The following CR1 variants were observed in gnomAD, a reference collection of about 807,000 sequenced individuals.
The protein encoded by CR1 is complement receptor type 1.
A neutral mutation model predicts 187.3 loss-of-function variants in CR1; 116 were observed. The ratio of observed to expected loss-of-function variants is 0.62; its 90% CI spans 0.53 to 0.72. CR1 has a LOEUF of 0.72. Ranked by LOEUF, CR1 falls within the 30% of genes least tolerant of loss-of-function variation. CR1 has a pLI of 0.00. For missense variants in CR1, 1,731 were observed against 2,110.7 expected (o/e 0.82, Z 3.52); for synonymous variants, 576 against 747.1 (o/e 0.77, Z 3.73).
At chr1:207,505,021 C>CT (rs1659385801) in intron 1 of CR1, among the ~76,000 whole-genome samples, 1 of 152,182 alleles carries the variant, frequency 6.6e-6, no homozygotes, top group Non-Finnish European at 1.5e-5. Flanking sequence ...AATCTAATGA[C>CT]TGATGATCTG....
rs141206165 is a variant in CR1 at position 207,637,316 on chromosome 1, C to G, written c.7458-2081C>G. ...CCTGTGCAATTGTGGTAGAATTGAC[C>G]TCGAGGTGCCCAATCTATAATAGTT... On this transcript the variant is annotated intron_variant, in intron 46 of 46. Coordinates refer to ENST00000367049, the MANE Select transcript of CR1 (RefSeq NM_000651.6). Among the ~76,000 whole-genome samples the G allele has an allele frequency of 6.8e-3, 1,041 of 152,290 alleles. 11 individuals carry two copies. Among genetic ancestry groups the G allele is most frequent in the African/African-American group, 0.023 (971 of 41,550 alleles).
intron 39 of CR1, among the ~76,000 whole-genome samples, chr1:207,613,188 T>C (rs1026347440): frequency 4.6e-5 from 7 of 152,046 alleles, no homozygotes; most frequent in Non-Finnish European, 7.4e-5. Flanking sequence ...AAGAGTTTTA[T>C]TGAGTGACAA....
At chr1:207,636,042 C>CA (rs1028293131) in intron 46 of CR1, among the ~76,000 whole-genome samples, 49 of 152,076 alleles carry the variant, frequency 3.2e-4, no homozygotes, top group African/African-American at 1.2e-3. Context: ...TCTACACAGA[C>CA]ACAGTAACAA....
chr1:207,630,665 A>T, intron 46 of CR1, 44 bp downstream of exon 46: 2 of 1,346,522 alleles, frequency 1.5e-6, no homozygotes, highest in African/African-American at 1.5e-5. Context: ...CAACAACTCA[A>T]ATATCAAAAA....
intron 24 of CR1, 82 bp downstream of exon 24, chr1:207,566,005 T>A: frequency 6.6e-7 from 1 of 1,518,298 alleles, no homozygotes; most frequent in Non-Finnish European, 9.0e-7. Flanking sequence ...CTCAATGTGA[T>A]TCTTCAATAT....
At chr1:207,601,108 T>C (rs2102372850) in intron 35 of CR1, among the ~76,000 whole-genome samples, 1 of 152,104 alleles carries the variant, frequency 6.6e-6, no homozygotes, top group Non-Finnish European at 1.5e-5. Context: ...GAAAAAATCA[T>C]AGAAATTATA....
At chr1:207,512,097 A>G (rs1417708674) in intron 4 of CR1, among the ~76,000 whole-genome samples, 1 of 152,250 alleles carries the variant, frequency 6.6e-6, no homozygotes, top group East Asian at 1.9e-4. Context: ...AGAAGTGAAC[A>G]TATATTTTAA....
At chr1:207,596,648 T>TAACAAA (rs1185788256) in intron 35 of CR1, among the ~76,000 whole-genome samples, 1 of 150,938 alleles carries the variant, frequency 6.6e-6, no homozygotes, top group Admixed American at 6.6e-5. Context: ...ACAATAACAA[T>TAACAAA]AACAAAAATG....
At chr1:207,592,565 A>C (rs1255090156) in intron 35 of CR1, among the ~76,000 whole-genome samples, 1 of 152,210 alleles carries the variant, frequency 6.6e-6, no homozygotes, top group Admixed American at 6.5e-5. Context: ...CACCACTCCT[A>C]TTCAACATAG....
At chr1:207,637,977 A>G (rs1662868468) in intron 46 of CR1, among the ~76,000 whole-genome samples, 1 of 152,166 alleles carries the variant, frequency 6.6e-6, no homozygotes, top group Admixed American at 6.5e-5. Flanking sequence ...GTTTTCCTTC[A>G]TGTGGGCTGT....
chr1:207,590,429 C>CA (rs1431873053), intron 35 of CR1, among the ~76,000 whole-genome samples: 2 of 152,168 alleles, frequency 1.3e-5, no homozygotes, highest in Non-Finnish European at 2.9e-5. Context: ...TTGTCACCAC[C>CA]AGACTTGCCT....
At chr1:207,510,996 A>G (rs1326915259) in intron 3 of CR1, among the ~76,000 whole-genome samples, 2 of 151,342 alleles carry the variant, frequency 1.3e-5, no homozygotes, top group Non-Finnish European at 2.9e-5. Flanking sequence ...TTTTTTATAA[A>G]TTTTTTGTAC....
At chr1:207,578,985 C>A (rs1175834827) in intron 29 of CR1, among the ~76,000 whole-genome samples, 2 of 152,234 alleles carry the variant, frequency 1.3e-5, no homozygotes, top group Non-Finnish European at 2.9e-5. Flanking sequence ...CCACGTCCTA[C>A]ATTTTATCCC....
intron 46 of CR1, among the ~76,000 whole-genome samples, chr1:207,635,260 G>A (rs56219363): frequency 3.3e-5 from 5 of 152,022 alleles, no homozygotes; most frequent in South Asian, 4.2e-4. Context: ...AGGATCCACC[G>A]GCCTCTGAGT....
chr1:207,635,434 C>A (rs1662783358), intron 46 of CR1, among the ~76,000 whole-genome samples: 1 of 152,258 alleles, frequency 6.6e-6, no homozygotes, highest in African/African-American at 2.4e-5. Flanking sequence ...GATATGTATA[C>A]ACATAAATAT....
At chr1:207,510,827 C>CT (rs111843016) in intron 3 of CR1, among the ~76,000 whole-genome samples, 11,446 of 130,802 alleles carry the variant, frequency 0.088, 1,379 homozygotes, top group African/African-American at 0.27. Flanking sequence ...TTTTTACTTT[C>CT]TTTTTTTTTT....
At chr1:207,588,574 T>C (rs889504526) in intron 34 of CR1, 101 bp from the exon 35 acceptor site, 20 of 747,162 alleles carry the variant, frequency 2.7e-5, no homozygotes, top group Middle Eastern at 2.3e-4. Context: ...CATGAAACAA[T>C]TGGAACTGTA....
intron 31 of CR1, 137 bp downstream of exon 31, chr1:207,580,750 A>T: frequency 1.2e-6 from 1 of 835,412 alleles, no homozygotes; most frequent in South Asian, 1.8e-5. Flanking sequence ...GTAGCTTTAA[A>T]ATAAAGGTAG....
intron 1 of CR1, among the ~76,000 whole-genome samples, chr1:207,499,028 A>C (rs1464701962): frequency 1.3e-5 from 2 of 152,154 alleles, no homozygotes; most frequent in African/African-American, 4.8e-5. Context: ...ATCAACAATC[A>C]TTTTGAGTGT....
Sources: allele counts gnomAD v4.1 joint callset (sites outside exome capture counted in the v4.1 genomes callset), GRCh38; gene constraint gnomAD v4.1.1; transcripts MANE v1.5; gene names NCBI Gene and HGNC (gene_info 2026-07-23, HGNC 2026-07-21).